ROBO2: variants seen among roughly 807,000 people sequenced by gnomAD.
ROBO2 encodes roundabout homolog 2.
ROBO2 carries 53 observed loss-of-function variants against 160.8 expected under a neutral mutation model. That is an observed-to-expected ratio of 0.33 (90% CI 0.26 to 0.41). ROBO2 has a LOEUF of 0.41. ROBO2 is among the 10% of genes least tolerant of loss of function. The pLI is 1.00. For synonymous variants in ROBO2, 664 were observed against 611.7 expected (o/e 1.09, Z -1.26); for missense variants, 1,577 against 1,722.4 (o/e 0.92, Z 1.49).
chr3:77,619,553 A>G (rs903086767), intron 22 of ROBO2, among the ~76,000 whole-genome samples: 50 of 152,172 alleles, frequency 3.3e-4, no homozygotes, highest in African/African-American at 1.2e-3. Context: ...ATTACACACC[A>G]TGGAGAATTG....
intron 2 of ROBO2, among the ~76,000 whole-genome samples, chr3:77,328,400 A>G (rs1446894299): frequency 6.6e-6 from 1 of 152,208 alleles, no homozygotes; most frequent in Non-Finnish European, 1.5e-5. Flanking sequence ...TGGAGCAACA[A>G]TGCAGAAACT....
At chr3:76,382,342 A>C (rs1363930648) in intron 2 of ROBO2, among the ~76,000 whole-genome samples, 1 of 152,194 alleles carries the variant, frequency 6.6e-6, no homozygotes, top group Non-Finnish European at 1.5e-5. Context: ...TAATCCCAGC[A>C]CTTTGGGAGG....
intron 2 of ROBO2, among the ~76,000 whole-genome samples, chr3:76,505,720 C>A (rs2107689034): frequency 6.6e-6 from 1 of 152,180 alleles, no homozygotes; most frequent in South Asian, 2.1e-4. Context: ...AACATTTTTT[C>A]CCCTAGAGCC....
intron 2 of ROBO2, among the ~76,000 whole-genome samples, chr3:76,499,154 T>C (rs2080323720): frequency 6.6e-6 from 1 of 152,184 alleles, no homozygotes; most frequent in Admixed American, 6.5e-5. Context: ...ACTGATCTCA[T>C]GACCTTATTG....
intron 1 of ROBO2, among the ~76,000 whole-genome samples, chr3:77,088,675 A>C (rs1251685079): frequency 3.9e-5 from 6 of 152,180 alleles, no homozygotes; most frequent in Non-Finnish European, 7.3e-5. Context: ...AATATGGATA[A>C]ATTTTATAGA....
upstream of ROBO2, among the ~76,000 whole-genome samples, chr3:77,038,545 G>A (rs2063770961): frequency 6.6e-6 from 1 of 152,090 alleles, no homozygotes; most frequent in Admixed American, 6.5e-5. Flanking sequence ...GCCCCTTCTG[G>A]AGAGAACCTT....
intron 19 of ROBO2, among the ~76,000 whole-genome samples, chr3:77,601,698 T>G (rs2094433734): frequency 6.6e-6 from 1 of 152,100 alleles, no homozygotes; most frequent in Non-Finnish European, 1.5e-5. Flanking sequence ...CTGGAGCAAT[T>G]AAATCACACA....
intron 2 of ROBO2, among the ~76,000 whole-genome samples, chr3:76,368,944 T>C (rs935854355): frequency 6.6e-6 from 1 of 151,978 alleles, no homozygotes; most frequent in Non-Finnish European, 1.5e-5. Context: ...CTGTAGAAAA[T>C]GTTAGTCTAC....
At chr3:77,338,893 G>A (rs979698060) in intron 2 of ROBO2, among the ~76,000 whole-genome samples, 4 of 152,052 alleles carry the variant, frequency 2.6e-5, no homozygotes, top group African/African-American at 7.2e-5. Flanking sequence ...TAACGCCAGT[G>A]TATTGATAGA....
intron 2 of ROBO2, among the ~76,000 whole-genome samples, chr3:77,025,625 T>G (rs2062916177): frequency 1.3e-5 from 2 of 152,206 alleles, no homozygotes; most frequent in African/African-American, 4.8e-5. Flanking sequence ...CCTCAAAGAA[T>G]CTTTACAGCT....
chr3:76,392,634 G>T (rs2077210989), intron 2 of ROBO2, among the ~76,000 whole-genome samples: 1 of 152,118 alleles, frequency 6.6e-6, no homozygotes, highest in Non-Finnish European at 1.5e-5. Flanking sequence ...TTAGAAAACT[G>T]TGAAATAAAG....
chr3:76,117,441 C>T (rs2070521183), intron 2 of ROBO2, among the ~76,000 whole-genome samples: 2 of 152,122 alleles, frequency 1.3e-5, no homozygotes, highest in South Asian at 4.1e-4. Context: ...TTTATAGTTA[C>T]TGTTTCCAAC....
intron 9 of ROBO2, among the ~76,000 whole-genome samples, chr3:77,560,372 A>G (rs2093281791): frequency 6.6e-6 from 1 of 151,760 alleles, no homozygotes; most frequent in African/African-American, 2.4e-5. Context: ...TTTAAAATTA[A>G]AGGAATAAAA....
At position 76,521,996 on chromosome 3, in the gene ROBO2, CTTGAT is replaced by C. The variant is rs1464175549; in HGVS notation, c.110-576015_110-576011del. On this transcript the variant is annotated intron_variant, in intron 2 of 26. Coordinates refer to the ROBO2 transcript ENST00000487694. ...GATCAAATCAGAATAAATAAATCAACTTGATTTATGTTTTTGTTTTTCAAGAATTT... is the reference window on the plus strand; with the variant it reads ...GATCAAATCAGAATAAATAAATCAACTTATGTTTTTGTTTTTCAAGAATTT... Among the ~76,000 whole-genome samples, 7 of 152,054 alleles carry C rather than the reference CTTGAT, an allele frequency of 4.6e-5. No individual in the cohort carries two copies. In the South Asian group the frequency reaches 6.2e-4, roughly 13 times the overall value.
In ROBO2 at chr3:77,218,405, C is replaced by T. The variant is rs143783601; in HGVS notation, c.388+120065C>T. Among the ~76,000 whole-genome samples, 3 of 147,304 alleles carry T rather than the reference C, an allele frequency of 2.0e-5. No individual in the cohort carries two copies. In the East Asian group the frequency reaches 6.0e-4, roughly 30 times the overall value. The stretch of plus-strand genomic sequence containing the variant: ...TTTTTTTTTTTTTGAAATGGAGTCT[C>T]ACTCTGTAACCTAAGCTTGAGTGCA... On this transcript the variant is annotated intron_variant, in intron 2 of 25. Transcript: ENST00000461745.
intron 2 of ROBO2, among the ~76,000 whole-genome samples, chr3:76,788,965 T>A (rs761644649): frequency 6.6e-6 from 1 of 151,536 alleles, no homozygotes; most frequent in Non-Finnish European, 1.5e-5. Context: ...AATCCTTAAA[T>A]AATCAGGCAG....
At chr3:76,501,260 A>C (rs1577681942) in intron 2 of ROBO2, among the ~76,000 whole-genome samples, 1 of 152,194 alleles carries the variant, frequency 6.6e-6, no homozygotes, top group African/African-American at 2.4e-5. Context: ...CTTCAGAGAA[A>C]TGTCCACTGT....
At position 76,248,669 on chromosome 3, in the gene ROBO2, AAAAAG is replaced by A. The variant is rs201788907; in HGVS notation, c.109+311071_109+311075del. 1.5e-3 allele frequency among the ~76,000 whole-genome samples: 183 copies of A among 122,540 alleles called. 1 individual carries two copies. Among genetic ancestry groups the A allele is most frequent in the South Asian group, 0.012 (47 of 3,858 alleles). 80.4% of individuals were successfully genotyped at this position (122,540 alleles called of 152,430 possible). A position where few individuals can be genotyped will look rare whatever the true frequency, so the allele number is the denominator to read the frequency against. ...TAAAAGAAAAAAAACTTAAAAAAAA[AAAAAG>A]AAATTCTTCCAGACTTTCATAATCT... On this transcript the variant is annotated intron_variant, in intron 2 of 26. Transcript: ENST00000487694.
intron 1 of ROBO2, among the ~76,000 whole-genome samples, chr3:77,056,718 T>A (rs1385330025): frequency 6.6e-6 from 1 of 152,170 alleles, no homozygotes; most frequent in Non-Finnish European, 1.5e-5. Context: ...TTTTTTCAAA[T>A]GTATTATTGC....
Sources: gnomAD v4.1 joint callset for allele counts (sites outside exome capture counted in the v4.1 genomes callset) on GRCh38, gnomAD v4.1.1 for gene constraint, MANE v1.5 for transcripts, NCBI Gene and HGNC (gene_info 2026-07-23, HGNC 2026-07-21) for gene names.